ARNT2: variants seen among roughly 807,000 people sequenced by gnomAD.
The protein encoded by ARNT2 is aryl hydrocarbon receptor nuclear translocator 2.
A neutral mutation model predicts 91.7 loss-of-function variants in ARNT2; 36 were observed. That is an observed-to-expected ratio of 0.39 (90% confidence interval 0.30 to 0.52). ARNT2 has a LOEUF of 0.52. Ranked by LOEUF, ARNT2 falls within the 20% of genes least tolerant of loss-of-function variation. ARNT2 has a pLI of 0.72. For synonymous variants in ARNT2, 365 were observed against 347.1 expected (o/e 1.05, Z -0.57); for missense variants, 775 against 939.3 (o/e 0.83, Z 2.29).
chr15:80,422,553 A>T (rs1255033026), intron 1 of ARNT2, among the ~76,000 whole-genome samples: 1 of 152,246 alleles, frequency 6.6e-6, no homozygotes, highest in East Asian at 1.9e-4. Context: ...GAACTTCTGA[A>T]GGTGTACTTC....
Position 80,581,845 on chromosome 15 carries a change from A to T in ARNT2, c.1918+441A>T, listed in dbSNP as rs1187202624. Among the ~76,000 whole-genome samples the T allele has an allele frequency of 2.0e-5, 3 of 152,220 alleles. No individual in the cohort carries two copies. In the East Asian group the frequency reaches 5.8e-4, roughly 29 times the overall value. ...ACACCTATCTTACTTTGTTAACAAAACCTCAGGCCATAGAGGGTTAAGGAA... is the reference window on the plus strand; with the variant it reads ...ACACCTATCTTACTTTGTTAACAAATCCTCAGGCCATAGAGGGTTAAGGAA... On this transcript the variant is annotated intron_variant, in intron 17 of 18. Coordinates refer to ENST00000303329, the MANE Select transcript of ARNT2 (RefSeq NM_014862.4).
chr15:80,454,010 C>T lies in ARNT2; in HGVS notation c.146+3016C>T, dbSNP rs139153543. On this transcript the variant is annotated intron_variant, in intron 2 of 18. Transcript: ENST00000303329. The stretch of plus-strand genomic sequence containing the variant: ...AGTTGGGATCCTCCAGGCCTCCCGC[C>T]GGGCCTAGCACTGTGGATCTTCATG... Among the ~76,000 whole-genome samples, 579 of 152,316 alleles carry T rather than the reference C, an allele frequency of 3.8e-3. 1 individual carries two copies. The highest frequency in any genetic ancestry group is 0.01 in the Middle Eastern group (3 of 294).
Position 80,477,923 on chromosome 15 carries a change from A to G in ARNT2, c.622+2700A>G, listed in dbSNP as rs564140667. ...ATTTTCTCAGTGCTGGTGATCAAAGATGTAAAAAAGGAGGAAGAGGATAGA... is the reference window on the plus strand; with the variant it reads ...ATTTTCTCAGTGCTGGTGATCAAAGGTGTAAAAAAGGAGGAAGAGGATAGA... On this transcript the variant is annotated intron_variant, in intron 5 of 18. Transcript: ENST00000303329. 5.9e-5 allele frequency among the ~76,000 whole-genome samples: 9 copies of G among 152,334 alleles called. No individual in the cohort carries two copies. In the South Asian group the frequency reaches 1.9e-3, roughly 32 times the overall value.
chr15:80,465,614 T>G (rs1896642044), intron 3 of ARNT2, among the ~76,000 whole-genome samples: 1 of 152,194 alleles, frequency 6.6e-6, no homozygotes, highest in African/African-American at 2.4e-5. Flanking sequence ...CATGGCAGTG[T>G]AGGTGGCCTG....
chr15:80,469,294 G>A (rs1281618884), intron 3 of ARNT2, among the ~76,000 whole-genome samples: 1 of 151,994 alleles, frequency 6.6e-6, no homozygotes, highest in Non-Finnish European at 1.5e-5. Flanking sequence ...TTTGCCATGC[G>A]TTTTTATTTT....
chr15:80,567,438 C>T (rs140357668), intron 12 of ARNT2, among the ~76,000 whole-genome samples: 2,461 of 152,270 alleles, frequency 0.016, 39 homozygotes, highest in East Asian at 0.064. Context: ...GCTCCCATAA[C>T]GTTCTTGAGC....
At chr15:80,508,286 C>A in intron 6 of ARNT2, 28 bp downstream of exon 6, 1 of 1,611,164 alleles carries the variant, frequency 6.2e-7, no homozygotes, top group Non-Finnish European at 8.5e-7. Flanking sequence ...AGCAGGCCAT[C>A]AGGTGGTTGG....
chr15:80,522,487 T>A (rs999109962), intron 8 of ARNT2, among the ~76,000 whole-genome samples: 5 of 152,166 alleles, frequency 3.3e-5, no homozygotes, highest in Admixed American at 6.5e-5. Flanking sequence ...TGTGTGAACA[T>A]CATGGCGTGC....
intron 1 of ARNT2, among the ~76,000 whole-genome samples, chr15:80,430,042 C>T (rs1300499268): frequency 6.6e-6 from 1 of 152,128 alleles, no homozygotes; most frequent in Non-Finnish European, 1.5e-5. Context: ...GTCCTTGAGG[C>T]CCCACCAGCG....
intron 1 of ARNT2, among the ~76,000 whole-genome samples, chr15:80,441,703 T>C (rs1896192882): frequency 6.6e-6 from 1 of 152,220 alleles, no homozygotes; most frequent in African/African-American, 2.4e-5. Flanking sequence ...GCTCTCAAGT[T>C]CCACGTTTTT....
intron 5 of ARNT2, among the ~76,000 whole-genome samples, chr15:80,490,325 G>A (rs1897037676): frequency 6.6e-6 from 1 of 152,116 alleles, no homozygotes; most frequent in Non-Finnish European, 1.5e-5. Flanking sequence ...TGAGGGGTGG[G>A]TGTAACTCCT....
intron 1 of ARNT2, among the ~76,000 whole-genome samples, chr15:80,416,980 C>T (rs1042356026): frequency 6.6e-6 from 1 of 152,132 alleles, no homozygotes; most frequent in African/African-American, 2.4e-5. Flanking sequence ...GCTTTACATG[C>T]TTCCTGTTGA....
Position 80,540,904 on chromosome 15 carries a change from G to A in ARNT2, c.878-10295G>A, listed in dbSNP as rs570805222. Among the ~76,000 whole-genome samples, 3 of 152,180 alleles carry A rather than the reference G, an allele frequency of 2.0e-5. No homozygotes were observed. The East Asian group carries it at 5.8e-4, about 29-fold the overall frequency. On this transcript the variant is annotated intron_variant, in intron 8 of 18. Transcript: ENST00000303329. ...TCTTTATCTGGTCCACTCTAGATGG[G>A]CACCTAGATTGATTTTATGTCTTTG...
At chr15:80,465,860 A>C (rs1896644721) in intron 3 of ARNT2, among the ~76,000 whole-genome samples, 1 of 151,902 alleles carries the variant, frequency 6.6e-6, no homozygotes, top group Non-Finnish European at 1.5e-5. Flanking sequence ...CCCATCGCAC[A>C]CTCTCAGCAT....
At chr15:80,510,828 AAAAT>A (rs529823506) in intron 6 of ARNT2, among the ~76,000 whole-genome samples, 6 of 152,248 alleles carry the variant, frequency 3.9e-5, no homozygotes, top group East Asian at 1.9e-4. Context: ...CTCCATCTCA[AAAAT>A]AAATAAATAA....
At chr15:80,537,554 C>G (rs1897845098) in intron 8 of ARNT2, among the ~76,000 whole-genome samples, 2 of 152,212 alleles carry the variant, frequency 1.3e-5, no homozygotes, top group Admixed American at 6.5e-5. Context: ...GCTTCTGTAA[C>G]TAGTGGGAAA....
chr15:80,575,229 T>C, intron 14 of ARNT2, 119 bp downstream of exon 14: 4 of 1,339,880 alleles, frequency 3.0e-6, no homozygotes, highest in Admixed American at 1.9e-5. Flanking sequence ...TGAGTAACCA[T>C]TGCAGGGTAT....
intron 8 of ARNT2, among the ~76,000 whole-genome samples, chr15:80,518,830 G>A (rs1325242820): frequency 6.6e-6 from 1 of 152,070 alleles, no homozygotes; most frequent in Non-Finnish European, 1.5e-5. Flanking sequence ...ATAAGGTTCT[G>A]GTAAAGTCTT....
chr15:80,543,930 G>A (rs765714300), intron 8 of ARNT2, among the ~76,000 whole-genome samples: 2 of 151,974 alleles, frequency 1.3e-5, no homozygotes, highest in East Asian at 1.9e-4. Flanking sequence ...TAGTAGAAAC[G>A]GGGTTTCACC....
Sources: allele counts gnomAD v4.1 joint callset (sites outside exome capture counted in the v4.1 genomes callset), GRCh38; gene constraint gnomAD v4.1.1; transcripts MANE v1.5; gene names NCBI Gene and HGNC (gene_info 2026-07-23, HGNC 2026-07-21).